YAF2: variants seen among roughly 807,000 people sequenced by gnomAD.
YAF2 encodes YY1-associated factor 2.
A neutral mutation model predicts 20.1 loss-of-function variants in YAF2; 7 were observed. The ratio of observed to expected loss-of-function variants is 0.35; its 90% confidence interval spans 0.20 to 0.65. The LOEUF is 0.65. Ranked by LOEUF, YAF2 falls within the 30% of genes least tolerant of loss-of-function variation. The pLI is 0.69. For missense variants in YAF2, 151 were observed against 219.2 expected (o/e 0.69, Z 1.96); for synonymous variants, 74 against 76.0 (o/e 0.97, Z 0.14).
intron 2 of YAF2, among the ~76,000 whole-genome samples, chr12:42,219,870 G>C (rs773531660): frequency 6.6e-6 from 1 of 152,118 alleles, no homozygotes; most frequent in Non-Finnish European, 1.5e-5. Context: ...TGATGCTAAC[G>C]CCACTGGTCT....
chr12:42,158,989 AT>A lies in YAF2; in HGVS notation c.*1599del, dbSNP rs2065749806. 1 of 152,214 alleles carries A rather than the reference AT, an allele frequency of 6.6e-6. No individual in the cohort carries two copies. The highest frequency in any genetic ancestry group is 1.9e-4 in the East Asian group (1 of 5,208). The allele number at this position is 152,214 out of a possible 1,614,324, so 9.4% of individuals were successfully genotyped here. A position where few individuals can be genotyped will look rare whatever the true frequency, so the allele number is the denominator to read the frequency against. On this transcript the variant is annotated 3_prime_UTR_variant, in exon 4 of 4. Transcript: ENST00000534854. ...GCTGGTATTCCATTGAAAGTATCTT[AT>A]AATAAACACAAATTTTAATTTTTCA... is the stretch of plus-strand genomic sequence containing the variant.
At chr12:42,204,711 A>C (rs1039116648) in intron 2 of YAF2, among the ~76,000 whole-genome samples, 2 of 152,268 alleles carry the variant, frequency 1.3e-5, no homozygotes, top group African/African-American at 4.8e-5. Context: ...GTATATCCAC[A>C]TACGATGATG....
At chr12:42,236,001 C>A in intron 2 of YAF2, 1 of 1,536,036 alleles carries the variant, frequency 6.5e-7, no homozygotes, top group Non-Finnish European at 8.7e-7. Context: ...GCTGTCCCTG[C>A]AAATAAACAT....
rs1393771689 is a variant in YAF2 at position 42,225,125 on chromosome 12, A to G, written c.152+12474T>C. On this transcript the variant is annotated intron_variant, in intron 2 of 3. Coordinates refer to ENST00000534854, the MANE Select transcript of YAF2 (RefSeq NM_005748.6). ...TTTGATGTGCATTTCTCTAATGACC[A>G]GTGATGAGTTTTTCACATTTGTTGG... 3.9e-5 allele frequency among the ~76,000 whole-genome samples: 6 copies of G among 152,344 alleles called. No homozygotes were observed. The East Asian group carries it at 1.2e-3, about 29-fold the overall frequency.
chr12:42,211,040 C>T (rs935632607), intron 2 of YAF2, among the ~76,000 whole-genome samples: 1 of 152,152 alleles, frequency 6.6e-6, no homozygotes, highest in South Asian at 2.1e-4. Context: ...CATTAACATT[C>T]ACTAGATTTT....
At chr12:42,170,251 G>C (rs763820010) in intron 2 of YAF2, among the ~76,000 whole-genome samples, 4 of 152,126 alleles carry the variant, frequency 2.6e-5, no homozygotes, top group African/African-American at 4.8e-5. Flanking sequence ...GAAGGATTGT[G>C]TCTTTTCATT....
intron 2 of YAF2, among the ~76,000 whole-genome samples, chr12:42,170,463 AT>A (rs1366541536): frequency 5.9e-5 from 9 of 152,156 alleles, no homozygotes; most frequent in Non-Finnish European, 8.8e-5. Flanking sequence ...CCTGGTTTAT[AT>A]TCTGCTTCAG....
intron 2 of YAF2, among the ~76,000 whole-genome samples, chr12:42,202,933 G>A (rs2066939071): frequency 1.3e-5 from 2 of 152,134 alleles, no homozygotes; most frequent in East Asian, 1.9e-4. Context: ...CACCATGCCC[G>A]GGGCTAAATA....
chr12:42,192,317 G>A (rs2066634874), intron 2 of YAF2, among the ~76,000 whole-genome samples: 1 of 152,088 alleles, frequency 6.6e-6, no homozygotes, highest in African/African-American at 2.4e-5. Context: ...AGACCAGCCT[G>A]GGCAACACAG....
intron 2 of YAF2, among the ~76,000 whole-genome samples, chr12:42,217,333 AAT>A (rs2067384873): frequency 6.6e-6 from 1 of 152,214 alleles, no homozygotes; most frequent in Admixed American, 6.5e-5. Context: ...TTACTCTGAT[AAT>A]ACAGCTTTGC....
intron 2 of YAF2, chr12:42,210,886 C>G (rs1348409527): frequency 2.7e-6 from 1 of 376,116 alleles, no homozygotes; most frequent in Non-Finnish European, 4.7e-6. Context: ...TTTAAAAAGT[C>G]TACTATAATG....
At chr12:42,172,190 C>T (rs754635082) in intron 2 of YAF2, 15 of 152,124 alleles carry the variant, frequency 9.9e-5, no homozygotes, top group Non-Finnish European at 1.8e-4. Context: ...GGAAGCTCTT[C>T]AATTAAAGTA....
At chr12:42,235,550 AAAGAG>A (rs2068122485) in intron 2 of YAF2, 2 of 1,366,036 alleles carry the variant, frequency 1.5e-6, no homozygotes, top group Non-Finnish European at 1.9e-6. Flanking sequence ...GCCAAAATCA[AAAGAG>A]AAGAGAATTC....
intron 2 of YAF2, among the ~76,000 whole-genome samples, chr12:42,178,159 T>C: frequency 6.6e-6 from 1 of 152,214 alleles, no homozygotes; most frequent in Non-Finnish European, 1.5e-5. Flanking sequence ...TTAATGTTTT[T>C]AATGAATGAA....
chr12:42,204,401 T>C (rs899366847), intron 2 of YAF2, among the ~76,000 whole-genome samples: 4 of 152,332 alleles, frequency 2.6e-5, no homozygotes, highest in African/African-American at 9.6e-5. Context: ...GCCTCTACTA[T>C]GTACAGACTT....
At chr12:42,210,337 G>A (rs2067170636) in intron 2 of YAF2, 4 of 1,485,554 alleles carry the variant, frequency 2.7e-6, no homozygotes, top group Non-Finnish European at 3.6e-6. Context: ...TCAGGTTTGT[G>A]AAAACTAGAT....
rs1360723618 is a variant in YAF2, at chr12:42,237,710, G to C, written c.41C>G (p.Pro14Arg). The C allele has an allele frequency of 1.3e-6, 2 of 1,565,340 alleles. No individual in the cohort carries two copies. Among genetic ancestry groups the C allele is most frequent in the Non-Finnish European group, 1.7e-6 (2 of 1,158,798 alleles). ...GTAACCCTCATCCGAGGACGGCTTC[G>C]GCTGCCGCTTCGGCCTGCAGGACAC... is the stretch of plus-strand genomic sequence containing the variant. Reference protein sequence around the residue: ...KKSPTRPKRQPKPSSDEGYWD... With the variant: ...KKSPTRPKRQRKPSSDEGYWD... Residue 14 changes from proline (P) to arginine (R), a missense_variant, in exon 2 of 4, where the codon CCG (proline) becomes CGG (arginine). Physicochemically the swap from Pro to Arg is moderately radical, Grantham distance 103 (BLOSUM62 -2). This residue lies in a region of YAF2 where 50 missense variants were observed against 58.3 expected (regional missense o/e 0.86). Coordinates refer to ENST00000534854, the MANE Select transcript of YAF2 (RefSeq NM_005748.6).
intron 2 of YAF2, chr12:42,231,456 T>G (rs1057474845): frequency 1.3e-5 from 2 of 152,208 alleles, no homozygotes; most frequent in Non-Finnish European, 2.9e-5. Context: ...AGTAGTTGAA[T>G]AGCATTTTCA....
chr12:42,234,147 G>C (rs2068063270), intron 2 of YAF2: 1 of 939,088 alleles, frequency 1.1e-6, no homozygotes. Flanking sequence ...CTCCAGCCTG[G>C]GCGACAGAGC....
Sources: allele counts gnomAD v4.1 joint callset (sites outside exome capture counted in the v4.1 genomes callset), GRCh38; gene constraint gnomAD v4.1.1; regional missense constraint gnomAD v4.1.1; transcripts MANE v1.5; gene names NCBI Gene and HGNC (gene_info 2026-07-23, HGNC 2026-07-21).